The following NCAM1 variants were observed in gnomAD, a reference collection of about 807,000 sequenced individuals.
NCAM1 encodes antigen recognized by monoclonal antibody 5.1H11.
A neutral mutation model predicts 109.8 loss-of-function variants in NCAM1; 14 were observed. The observed-to-expected ratio is 0.13, with a 90% CI of 0.08 to 0.20. The LOEUF (loss-of-function observed/expected upper bound fraction) is 0.20, where lower values mean the gene tolerates loss of function less well. Among genes scored for constraint, NCAM1 ranks in the 10% least tolerant of loss-of-function variants. The probability of loss-of-function intolerance (pLI) is 1.00; values close to 1 mark genes in which losing one functional copy is unlikely to be tolerated. For synonymous variants in NCAM1, 418 were observed against 442.9 expected, an observed-to-expected ratio of 0.94 and a Z score of 0.70; for missense variants, 774 against 1,109.9, an observed-to-expected ratio of 0.70 and a Z score of 4.30.
intron 1 of NCAM1, among the ~76,000 whole-genome samples, chr11:112,966,117 G>C (rs544180432): frequency 6.6e-6 from 1 of 152,288 alleles, no homozygotes; most frequent in South Asian, 2.1e-4. Context: ...ATAACATATA[G>C]ACTAAGGAAT....
chr11:113,144,090 G>A (rs4936262), intron 1 of NCAM1, among the ~76,000 whole-genome samples: 2,963 of 152,262 alleles, frequency 0.019, 65 homozygotes, highest in East Asian at 0.069. Context: ...GCCACTGGAC[G>A]GTCAAATGAC....
intron 1 of NCAM1, among the ~76,000 whole-genome samples, chr11:113,199,241 C>G (rs1555111395): frequency 6.6e-6 from 1 of 151,952 alleles, no homozygotes; most frequent in African/African-American, 2.4e-5. Flanking sequence ...ATTCCACTTA[C>G]ATATGCAACT....
At chr11:113,000,825 T>TAC (rs1428744152) in intron 1 of NCAM1, among the ~76,000 whole-genome samples, 1 of 16,786 alleles carries the variant, frequency 6.0e-5, no homozygotes, top group Non-Finnish European at 9.2e-5. Context: ...TACATATATA[T>TAC]ATATATATAT....
chr11:113,218,215 T>A (rs1944585245), intron 8 of NCAM1, among the ~76,000 whole-genome samples: 1 of 152,192 alleles, frequency 6.6e-6, no homozygotes, highest in African/African-American at 2.4e-5. Flanking sequence ...ATTTGCAATA[T>A]CTTTGTCCAA....
At chr11:113,267,876 C>T (rs1361581672) in intron 17 of NCAM1, among the ~76,000 whole-genome samples, 1 of 152,180 alleles carries the variant, frequency 6.6e-6, no homozygotes, top group Non-Finnish European at 1.5e-5. Context: ...TTTATTTTTC[C>T]TCTTTAGAGA....
At position 112,962,303 on chromosome 11, in the gene NCAM1, G is replaced by C. The variant is rs1950586758; in HGVS notation, c.52+639G>C. 1.3e-5 allele frequency among the ~76,000 whole-genome samples: 2 copies of C among 152,132 alleles called. No individual in the cohort carries two copies. The highest frequency in any genetic ancestry group is 4.8e-5 in the African/African-American group (2 of 41,434). On this transcript the variant is annotated intron_variant, in intron 1 of 19. Coordinates refer to ENST00000316851, the MANE Select transcript of NCAM1 (RefSeq NM_181351.5). This position sits in a 1 kb window ranked among gnomAD's most constrained non-coding sequence, Gnocchi z 5.6. ...TCGACATGACGTTAGTTTTTCATTT[G>C]CCAAATTGCTGGTTAGTTGCAAAGC...
At chr11:113,103,001 G>GTTAT (rs10677573) in intron 1 of NCAM1, among the ~76,000 whole-genome samples, 127,009 of 151,812 alleles carry the variant, frequency 0.84, 53,577 homozygotes, top group African/African-American at 0.95. Context: ...GTTTCTGCGT[G>GTTAT]TTTGTGATTA....
chr11:113,150,006 A>G (rs1305126181), intron 1 of NCAM1, among the ~76,000 whole-genome samples: 1 of 152,186 alleles, frequency 6.6e-6, no homozygotes, highest in Non-Finnish European at 1.5e-5. Context: ...AAGAGGATGA[A>G]AATGATCAAA....
rs1289906034 is a variant in NCAM1, at chr11:113,037,118, T to C, written c.52+75454T>C. On this transcript the variant is annotated intron_variant, in intron 1 of 19. Transcript: ENST00000316851. Reference sequence around the variant, plus strand: ...GGTACCTGATACCACACCAATGCCTTAGAATTAACACCCACATCAAATCAC... The same window carrying C: ...GGTACCTGATACCACACCAATGCCTCAGAATTAACACCCACATCAAATCAC... Among the ~76,000 whole-genome samples the C allele has an allele frequency of 2.6e-5, 4 of 152,212 alleles. No individual in the cohort carries two copies. In the East Asian group the frequency reaches 7.7e-4, roughly 29 times the overall value.
chr11:113,232,213 G>A lies in NCAM1; in HGVS notation c.1284G>A (p.Glu428=). The part of the protein sequence containing the change: ...LQGPVAVYTW[E]GNQVNITCEV... ...GCCCTGTGGCTGTGTACACTTGGGA[G>A]GGGAACCAGGTGAACATCACCTGCG... Residue 428 remains glutamate, a synonymous_variant, in exon 11 of 20, where the codon GAG becomes GAA. Coordinates refer to ENST00000316851, the MANE Select transcript of NCAM1 (RefSeq NM_181351.5). The A allele has an allele frequency of 6.2e-7, 1 of 1,613,056 alleles. No individual in the cohort carries two copies. Among genetic ancestry groups the A allele is most frequent in the Non-Finnish European group, 8.5e-7 (1 of 1,179,468 alleles).
chr11:113,255,424 C>G lies in NCAM1; in HGVS notation c.1829-453C>G, dbSNP rs145919774. 2.3e-3 allele frequency among the ~76,000 whole-genome samples: 357 copies of G among 152,142 alleles called. 1 individual carries two copies. Among genetic ancestry groups the G allele is most frequent in the African/African-American group, 7.8e-3 (325 of 41,516 alleles). ...AGTCCCAGGGGTGAGTGATGTGTCCCGGCAAGAAACTGGGCTGTTTTACAA... is the reference window on the plus strand; with the variant it reads ...AGTCCCAGGGGTGAGTGATGTGTCCGGGCAAGAAACTGGGCTGTTTTACAA... On this transcript the variant is annotated intron_variant, in intron 15 of 19. Transcript: ENST00000316851.
At chr11:113,212,603 A>G (rs1353765009) in intron 7 of NCAM1, among the ~76,000 whole-genome samples, 2 of 152,202 alleles carry the variant, frequency 1.3e-5, no homozygotes, top group Non-Finnish European at 2.9e-5. Context: ...CAGACCTCAA[A>G]ACAACTGTTG....
chr11:113,192,928 C>T (rs1943728855), intron 1 of NCAM1, among the ~76,000 whole-genome samples: 1 of 152,202 alleles, frequency 6.6e-6, no homozygotes, highest in Non-Finnish European at 1.5e-5. Flanking sequence ...TTGTGCTTAT[C>T]ATTAGGCCAG....
intron 9 of NCAM1, among the ~76,000 whole-genome samples, chr11:113,223,944 G>A (rs1470866810): frequency 5.3e-5 from 8 of 152,162 alleles, no homozygotes; most frequent in African/African-American, 1.9e-4. Context: ...TAGCCCTGGA[G>A]GTAGGGGCGG....
chr11:113,235,181 GC>G lies in NCAM1; in HGVS notation c.1825+23del, dbSNP rs1555118038. On this transcript the variant is annotated intron_variant, in intron 14 of 19. Coordinates refer to ENST00000316851, the MANE Select transcript of NCAM1 (RefSeq NM_181351.5). ...AGCCAGTCCGTAAGTAAAGCCAGCT[GC>G]CCCCCTTTTCCCAGCCCACCTTCTT... 5.0e-6 allele frequency: 8 copies of G among 1,613,714 alleles called. No individual in the cohort carries two copies. In the Admixed American group the frequency reaches 1.2e-4, roughly 24 times the overall value.
At chr11:113,034,096 G>A (rs556530053) in intron 1 of NCAM1, among the ~76,000 whole-genome samples, 47 of 152,262 alleles carry the variant, frequency 3.1e-4, no homozygotes, top group African/African-American at 1.1e-3. Flanking sequence ...GCTGTTGACA[G>A]AAAAGGAAAA....
At chr11:113,165,693 A>G (rs1942768567) in intron 1 of NCAM1, among the ~76,000 whole-genome samples, 2 of 152,084 alleles carry the variant, frequency 1.3e-5, no homozygotes, top group Non-Finnish European at 2.9e-5. Flanking sequence ...TGGTTGGGGA[A>G]GGCTCTGGCT....
intron 1 of NCAM1, among the ~76,000 whole-genome samples, chr11:112,991,030 TA>T: frequency 6.6e-6 from 1 of 152,208 alleles, no homozygotes; most frequent in Non-Finnish European, 1.5e-5. Flanking sequence ...TCCACCATCT[TA>T]CCGGTGTTCT....
intron 1 of NCAM1, among the ~76,000 whole-genome samples, chr11:113,164,314 C>T (rs1461737693): frequency 6.6e-6 from 1 of 152,204 alleles, no homozygotes; most frequent in Non-Finnish European, 1.5e-5. Context: ...GGGGCAGGGG[C>T]ATTCCCACAC....
Sources: allele counts gnomAD v4.1 joint callset (sites outside exome capture counted in the v4.1 genomes callset), GRCh38; gene constraint gnomAD v4.1.1; non-coding constraint Gnocchi (gnomAD v3.1); transcripts MANE v1.5; gene names NCBI Gene and HGNC (gene_info 2026-07-23, HGNC 2026-07-21).